The following ACLY variants were observed in gnomAD, a reference collection of about 807,000 sequenced individuals.
The protein encoded by ACLY is ATP-citrate synthase.
A neutral mutation model predicts 133.0 loss-of-function variants in ACLY; 41 were observed. The observed-to-expected ratio is 0.31, with a 90% CI of 0.24 to 0.40. ACLY has a LOEUF of 0.40. Among genes scored for constraint, ACLY ranks in the 10% least tolerant of loss-of-function variants. The pLI, the probability that ACLY is intolerant of heterozygous loss-of-function variation, is 1.00. For synonymous variants in ACLY, 495 were observed against 549.3 expected (o/e 0.90, Z 1.38); for missense variants, 1,046 against 1,453.8 (o/e 0.72, Z 4.56).
chr17:41,892,168 T>C, intron 16 of ACLY, 111 bp downstream of exon 16: 1 of 1,101,228 alleles, frequency 9.1e-7, no homozygotes, highest in Non-Finnish European at 1.3e-6. Flanking sequence ...TGACGGGACA[T>C]CAACCAGGAG....
chr17:41,907,956 C>T (rs1428153475), intron 6 of ACLY, among the ~76,000 whole-genome samples: 1 of 152,122 alleles, frequency 6.6e-6, no homozygotes, highest in Admixed American at 6.5e-5. Flanking sequence ...AGACCCCCCA[C>T]CGGTATGCAC....
Position 41,869,600 on chromosome 17 carries a change from C to G in ACLY, c.2938-13G>C. 1 of 1,602,898 alleles carries G rather than the reference C, an allele frequency of 6.2e-7. No individual in the cohort carries two copies. The highest frequency in any genetic ancestry group is 8.5e-7 in the Non-Finnish European group (1 of 1,169,806). ...CTGGGTTGTTTATCTAGAAATGAAC[C>G]CAACGGTACAGAGGAACACTCACAC... On this transcript the variant is annotated splice_polypyrimidine_tract_variant and intron_variant, in intron 25 of 28. Transcript: ENST00000352035.
intron 26 of ACLY, 64 bp downstream of exon 26, chr17:41,869,409 TG>T: frequency 7.7e-7 from 1 of 1,291,064 alleles, no homozygotes. Flanking sequence ...AAATGTAACG[TG>T]GCTCCTGTTT....
chr17:41,884,432 G>A (rs2048997814), intron 18 of ACLY, among the ~76,000 whole-genome samples, 158 bp from the exon 19 acceptor site: 1 of 152,190 alleles, frequency 6.6e-6, no homozygotes, highest in Non-Finnish European at 1.5e-5. Flanking sequence ...ATGGACAGGG[G>A]AAGGTAGCAA....
At chr17:41,871,896 AC>A in intron 24 of ACLY, 64 bp from the exon 25 acceptor site, 2 of 1,606,096 alleles carry the variant, frequency 1.2e-6, no homozygotes, top group East Asian at 4.5e-5. Flanking sequence ...GGGCAAACCA[AC>A]CCAGTGTGTC....
At chr17:41,887,127 G>GAAAAA (rs535668437) in intron 17 of ACLY, among the ~76,000 whole-genome samples, 4,235 of 109,974 alleles carry the variant, frequency 0.039, 202 homozygotes, top group Non-Finnish European at 0.058. Context: ...CCGTCTCAAA[G>GAAAAA]AAAAAAAAAA....
chr17:41,893,033 G>T lies in ACLY; in HGVS notation c.1601C>A (p.Thr534Asn). The T allele has an allele frequency of 6.2e-7, 1 of 1,612,734 alleles. No homozygotes were observed. The highest frequency in any genetic ancestry group is 8.5e-7 in the Non-Finnish European group (1 of 1,179,250). The change falls in exon 15 of 29, where the codon ACT becomes AAT. Residue 534 changes from threonine (T) to asparagine (N), a missense_variant and splice_region_variant. Physicochemically the swap from Thr to Asn is moderately conservative, Grantham distance 65. Coordinates refer to ENST00000352035, the MANE Select transcript of ACLY (RefSeq NM_001096.3). The stretch of plus-strand genomic sequence containing the variant: ...TATTTCCCGCCATGGGGTAACTCAC[G>T]TGAAAGGGTAGACCATGGCAGCCAC... ...PSVAAMVYPF[T>N]GDHKQKFYWG...
chr17:41,880,934 A>G (rs1555627219), intron 20 of ACLY, among the ~76,000 whole-genome samples: 2 of 150,446 alleles, frequency 1.3e-5, no homozygotes, highest in Non-Finnish European at 3.0e-5. Flanking sequence ...GATGAGTGCC[A>G]CCAGATACTG....
chr17:41,873,780 G>T, intron 23 of ACLY, 31 bp downstream of exon 23: 1 of 1,518,892 alleles, frequency 6.6e-7, no homozygotes. Context: ...TGAGCTGCAG[G>T]GCCCTGTAAT....
chr17:41,910,260 T>C lies in ACLY; in HGVS notation c.307A>G (p.Lys103Glu). The change falls in exon 4 of 29, where the codon AAG becomes GAG. Residue 103 changes from lysine to glutamate, a missense_variant. Lys to Glu is a moderately conservative substitution (Grantham distance 56). Around this residue, in one of 4 missense-constraint regions of ACLY, gnomAD observed 227 missense variants for 245.6 expected, o/e 0.92. Coordinates refer to ENST00000352035, the MANE Select transcript of ACLY (RefSeq NM_001096.3). ...ACGAAGGGCTCGATCAGAAAGTTCT[T>C]GAGGAAGCCTGTGGCCTTGCCAACC... ...ATVGKATGFL[K>E]NFLIEPFVPH... is the part of the protein sequence containing the mutation. 5 of 1,613,886 alleles carry C rather than the reference T, an allele frequency of 3.1e-6. No individual in the cohort carries two copies. The highest frequency in any genetic ancestry group is 4.2e-6 in the Non-Finnish European group (5 of 1,179,914).
chr17:41,921,503 G>GA (rs2050182765), upstream of ACLY, among the ~76,000 whole-genome samples: 4 of 142,862 alleles, frequency 2.8e-5, 1 homozygote, highest in Non-Finnish European at 3.1e-5. Context: ...AAACAAAAAA[G>GA]AAAAAAAGGA....
chr17:41,906,422 C>A (rs1402694709), intron 8 of ACLY, 106 bp downstream of exon 8: 51 of 979,314 alleles, frequency 5.2e-5, no homozygotes, highest in Non-Finnish European at 7.8e-5. Context: ...TTTCCTCTGC[C>A]CCAAATTCCC....
At chr17:41,879,856 C>T (rs146654638) in intron 20 of ACLY, among the ~76,000 whole-genome samples, 9 of 151,514 alleles carry the variant, frequency 5.9e-5, no homozygotes, top group Non-Finnish European at 1.0e-4. Context: ...GCTGGGACTA[C>T]AGGCGTATGC....
upstream of ACLY, among the ~76,000 whole-genome samples, chr17:41,919,320 A>AGGG (rs2050144149): frequency 5.1e-3 from 746 of 147,094 alleles, no homozygotes; most frequent in South Asian, 7.2e-3. Flanking sequence ...AGGGGCGGGT[A>AGGG]GGATTAGCCC....
At chr17:41,868,450 A>AAAG (rs2048517343) in intron 28 of ACLY, among the ~76,000 whole-genome samples, 1 of 151,134 alleles carries the variant, frequency 6.6e-6, no homozygotes, top group Admixed American at 6.6e-5. Flanking sequence ...AAAAAAAAAA[A>AAAG]AAATTTTCCT....
intron 1 of ACLY, among the ~76,000 whole-genome samples, chr17:41,929,967 C>T (rs2050297229): frequency 6.6e-6 from 1 of 152,102 alleles, no homozygotes; most frequent in South Asian, 2.1e-4. Flanking sequence ...GTAGTAAAGG[C>T]AGTTAAGCAA....
At chr17:41,907,635 C>A in intron 6 of ACLY, 63 bp from the exon 7 acceptor site, 2 of 1,581,184 alleles carry the variant, frequency 1.3e-6, no homozygotes, top group Non-Finnish European at 1.7e-6. Context: ...CACCAACCTC[C>A]AACCCCTCCA....
intron 11 of ACLY, 54 bp downstream of exon 11, chr17:41,901,642 G>A (rs782348382): frequency 2.0e-6 from 3 of 1,467,390 alleles, no homozygotes; most frequent in East Asian, 2.3e-5. Flanking sequence ...AAATCCCAAA[G>A]AGGAAGGCCA....
intron 8 of ACLY, 59 bp from the exon 9 acceptor site, chr17:41,905,717 TG>T: frequency 6.2e-7 from 1 of 1,607,312 alleles, no homozygotes; most frequent in Non-Finnish European, 8.5e-7. Context: ...AGTGGCAGCC[TG>T]GTGCCTGGGA....
Sources: allele counts gnomAD v4.1 joint callset (sites outside exome capture counted in the v4.1 genomes callset), GRCh38; gene constraint gnomAD v4.1.1; regional missense constraint gnomAD v4.1.1; transcripts MANE v1.5; gene names NCBI Gene and HGNC (gene_info 2026-07-23, HGNC 2026-07-21).